The following FGF18 variants were observed in gnomAD, a reference collection of about 807,000 sequenced individuals.
FGF18 encodes fibroblast growth factor 18.
In FGF18, 5 loss-of-function variants were observed where a neutral mutation model predicts 23.0. That is an observed-to-expected ratio of 0.22 (90% CI 0.11 to 0.46). The LOEUF is 0.46. Ranked by LOEUF, FGF18 falls within the 20% of genes least tolerant of loss-of-function variation. The pLI is 0.99. For missense variants in FGF18, 180 were observed against 291.6 expected (o/e 0.62, Z 2.79); for synonymous variants, 117 against 118.9 (o/e 0.98, Z 0.10).
At chr5:171,446,742 A>G (rs1279067776) in intron 3 of FGF18, among the ~76,000 whole-genome samples, 2 of 152,102 alleles carry the variant, frequency 1.3e-5, no homozygotes, top group African/African-American at 4.8e-5. Flanking sequence ...CCCCTTGCAC[A>G]GGTAGGGAAA....
rs202145538 is a variant in FGF18, at chr5:171,456,817, G to A, written c.*12G>A. 201 of 1,599,246 alleles carry A rather than the reference G, an allele frequency of 1.3e-4. No homozygotes were observed. In the African/African-American group the frequency reaches 2.1e-3, roughly 17 times the overall value. On this transcript the variant is annotated 3_prime_UTR_variant, in exon 5 of 5. Coordinates refer to ENST00000274625, the MANE Select transcript of FGF18 (RefSeq NM_003862.3). This position sits in a 1 kb window ranked among gnomAD's most constrained non-coding sequence, Gnocchi z 6.1. ...CACACCCTGCCTAGGCCACCCCGCC[G>A]CGGCCCCTCAGGTCGCCCTGGCCAC...
intron 2 of FGF18, among the ~76,000 whole-genome samples, chr5:171,431,374 T>A (rs1172612763): frequency 6.6e-6 from 1 of 152,096 alleles, no homozygotes; most frequent in East Asian, 1.9e-4. Context: ...CATTTTGTGT[T>A]AAGAGCTGCA....
intron 2 of FGF18, among the ~76,000 whole-genome samples, chr5:171,435,191 G>T (rs913946272): frequency 6.6e-6 from 1 of 152,182 alleles, no homozygotes; most frequent in Admixed American, 6.5e-5. Context: ...GGCTCACCTT[G>T]TAGGGCCTTG....
rs532250285 is a variant in FGF18, at chr5:171,430,221, G to T, written c.70-5872G>T. On this transcript the variant is annotated intron_variant, in intron 2 of 4. Coordinates refer to ENST00000274625, the MANE Select transcript of FGF18 (RefSeq NM_003862.3). Reference sequence around the variant, plus strand: ...AAAACTATAAAAATTCACTGGGCGCGGTGGCAGGCGCCTGTAATCCCAGCT... The same window carrying T: ...AAAACTATAAAAATTCACTGGGCGCTGTGGCAGGCGCCTGTAATCCCAGCT... 3.6e-4 allele frequency among the ~76,000 whole-genome samples: 55 copies of T among 152,120 alleles called. 1 individual carries two copies. The highest frequency in any genetic ancestry group is 1.0e-3 in the Admixed American group (16 of 15,282).
intron 3 of FGF18, among the ~76,000 whole-genome samples, chr5:171,446,193 G>A (rs992651057): frequency 6.6e-6 from 1 of 152,222 alleles, no homozygotes; most frequent in Non-Finnish European, 1.5e-5. Flanking sequence ...TGGCGTGACG[G>A]CCAGGCGCAG....
intron 3 of FGF18, among the ~76,000 whole-genome samples, chr5:171,447,190 T>C (rs1399469498): frequency 6.6e-6 from 1 of 152,186 alleles, no homozygotes; most frequent in Non-Finnish European, 1.5e-5. Flanking sequence ...AGTCATACAG[T>C]TGGGGCCAGG....
chr5:171,457,135 C>A lies in FGF18; in HGVS notation c.*330C>A. On this transcript the variant is annotated 3_prime_UTR_variant, in exon 5 of 5. Coordinates refer to ENST00000274625, the MANE Select transcript of FGF18 (RefSeq NM_003862.3). Reference sequence around the variant, plus strand: ...ACCAACACTTTGAGAAACCAAAGTCCTTTTTCCCAAAGGTTCTGAAAGGAA... The same window carrying A: ...ACCAACACTTTGAGAAACCAAAGTCATTTTTCCCAAAGGTTCTGAAAGGAA... 2 of 187,912 alleles carry A rather than the reference C, an allele frequency of 1.1e-5. No individual in the cohort carries two copies. Among genetic ancestry groups the A allele is most frequent in the Non-Finnish European group, 1.1e-5 (1 of 94,094 alleles). 11.6% of individuals were successfully genotyped at this position (187,912 alleles called of 1,614,324 possible). A position where few individuals can be genotyped will look rare whatever the true frequency, so the allele number is the denominator to read the frequency against.
At chr5:171,435,568 G>A (rs1032910604) in intron 2 of FGF18, among the ~76,000 whole-genome samples, 1 of 152,130 alleles carries the variant, frequency 6.6e-6, no homozygotes, top group African/African-American at 2.4e-5. Flanking sequence ...AGCATCAGCT[G>A]CAGGGGGAGA....
intron 2 of FGF18, among the ~76,000 whole-genome samples, chr5:171,425,645 T>C (rs1358084197): frequency 6.6e-6 from 1 of 151,594 alleles, no homozygotes; most frequent in Non-Finnish European, 1.5e-5. Flanking sequence ...ATTCTCCTGC[T>C]TCAGCCTCCC....
At chr5:171,450,367 C>A (rs898121115) in intron 4 of FGF18, among the ~76,000 whole-genome samples, 2 of 152,198 alleles carry the variant, frequency 1.3e-5, no homozygotes, top group Non-Finnish European at 2.9e-5. Context: ...TTAATAATTA[C>A]TGTCATAATA....
chr5:171,439,627 G>A (rs1296147556), intron 3 of FGF18, among the ~76,000 whole-genome samples: 1 of 152,160 alleles, frequency 6.6e-6, no homozygotes. Context: ...GAGCCTCCAT[G>A]TCTGGGCTTA....
intron 4 of FGF18, among the ~76,000 whole-genome samples, chr5:171,454,212 C>T (rs1772552032): frequency 6.6e-6 from 1 of 152,098 alleles, no homozygotes; most frequent in African/African-American, 2.4e-5. Context: ...GAAGGCTTCC[C>T]AGAGGAGGCA....
Position 171,456,473 on chromosome 5 carries a change from C to G in FGF18, c.358-66C>G, listed in dbSNP as rs956042740. On this transcript the variant is annotated intron_variant, in intron 4 of 4. Coordinates refer to ENST00000274625, the MANE Select transcript of FGF18 (RefSeq NM_003862.3). This position sits in a 1 kb window ranked among gnomAD's most constrained non-coding sequence, Gnocchi z 6.1. ...CAATGGTCCTGAATAAAACCTTCCT[C>G]GCTGTGCTTTGGCAAGCATAACTGA... 3 of 1,508,892 alleles carry G rather than the reference C, an allele frequency of 2.0e-6. No homozygotes were observed. In the East Asian group the frequency reaches 6.8e-5, roughly 34 times the overall value. 93.5% of individuals were successfully genotyped at this position (1,508,892 alleles called of 1,614,324 possible).
chr5:171,431,362 C>T (rs908471794), intron 2 of FGF18, among the ~76,000 whole-genome samples: 6 of 152,134 alleles, frequency 3.9e-5, no homozygotes, highest in African/African-American at 1.4e-4. Flanking sequence ...GACATGGCAT[C>T]ACATTTTGTG....
intron 1 of FGF18, 47 bp downstream of exon 1, chr5:171,420,278 C>T (rs1305868869): frequency 1.9e-6 from 3 of 1,604,120 alleles, no homozygotes; most frequent in African/African-American, 1.3e-5. Context: ...GCTGTCTGTC[C>T]GTATGCCTGT....
Position 171,440,227 on chromosome 5 carries a change from G to GC in FGF18, c.250+3954_250+3955insC, listed in dbSNP as rs1302941137. 1.1e-5 allele frequency among the ~76,000 whole-genome samples: 1 copy of GC among 89,860 alleles called. No homozygotes were observed. The highest frequency in any genetic ancestry group is 2.3e-5 in the Non-Finnish European group (1 of 44,278). The allele number at this position is 89,860 out of a possible 152,430, so 59.0% of individuals were successfully genotyped here. On this transcript the variant is annotated intron_variant, in intron 3 of 4. Coordinates refer to ENST00000274625, the MANE Select transcript of FGF18 (RefSeq NM_003862.3). This position sits in a 1 kb window ranked among gnomAD's most constrained non-coding sequence, Gnocchi z 4.0. ...CTGACCTCCTTACTATGGGTGTGTG[G>GC]GGGGGGGTGGTGCCATCGCGGGCTC...
At chr5:171,452,103 C>T (rs1419702775) in intron 4 of FGF18, among the ~76,000 whole-genome samples, 1 of 152,272 alleles carries the variant, frequency 6.6e-6, no homozygotes, top group Non-Finnish European at 1.5e-5. Context: ...TGGATTGACT[C>T]TTAAGCTACA....
intron 2 of FGF18, among the ~76,000 whole-genome samples, chr5:171,430,765 G>A (rs1404994364): frequency 2.2e-5 from 3 of 137,954 alleles, no homozygotes; most frequent in Non-Finnish European, 4.5e-5. Flanking sequence ...TCCGTAGTCC[G>A]GCCTGGGCGA....
rs543971201 is a variant in FGF18, at chr5:171,451,339, G to A, written c.357+2086G>A. ...CTCGAGGACGCCACCAAATCCACCT[G>A]TCCAGGCTTGACCTCTGCCCCGCCC... is the stretch of plus-strand genomic sequence containing the variant. On this transcript the variant is annotated intron_variant, in intron 4 of 4. Transcript: ENST00000274625. The surrounding 1 kb of genome is among the most constrained non-coding windows in gnomAD (Gnocchi z 4.5). Among the ~76,000 whole-genome samples, 1 of 152,212 alleles carries A rather than the reference G, an allele frequency of 6.6e-6. No individual in the cohort carries two copies. Among genetic ancestry groups the A allele is most frequent in the South Asian group, 2.1e-4 (1 of 4,828 alleles).
Sources: gnomAD v4.1 joint callset for allele counts (sites outside exome capture counted in the v4.1 genomes callset) on GRCh38, gnomAD v4.1.1 for gene constraint, Gnocchi (gnomAD v3.1) non-coding constraint, MANE v1.5 for transcripts, NCBI Gene and HGNC (gene_info 2026-07-23, HGNC 2026-07-21) for gene names.